Variants in ATM observed in about 807,000 individuals in gnomAD.
The protein encoded by ATM is serine-protein kinase ATM.
ATM carries 308 observed loss-of-function variants against 387.0 expected under a neutral mutation model. That is an observed-to-expected ratio of 0.80 (90% CI 0.73 to 0.87). The LOEUF (loss-of-function observed/expected upper bound fraction) is 0.87. Among genes scored for constraint, ATM ranks in the 40% least tolerant of loss-of-function variants. The pLI is 0.00. For missense variants in ATM, 3,312 were observed against 3,560.9 expected (o/e 0.93, Z 1.78); for synonymous variants, 1,156 against 1,187.3 (o/e 0.97, Z 0.54).
chr11:108,272,886 T>C, intron 22 of ATM, 34 bp downstream of exon 22: 2 of 1,613,394 alleles, frequency 1.2e-6, no homozygotes. Context: ...GTATTTGGAA[T>C]GCTGCAGATG....
At chr11:108,348,941 C>T (rs1275033450) in intron 59 of ATM, among the ~76,000 whole-genome samples, 3 of 152,088 alleles carry the variant, frequency 2.0e-5, no homozygotes, top group Admixed American at 6.5e-5. Context: ...TATTATCCCC[C>T]TGCAACTCAG....
At chr11:108,348,153 G>GTATT (rs1183289363) in intron 59 of ATM, among the ~76,000 whole-genome samples, 3 of 151,930 alleles carry the variant, frequency 2.0e-5, no homozygotes, top group Admixed American at 6.6e-5. Flanking sequence ...TTATTTTGAA[G>GTATT]TATTAATGGA....
chr11:108,263,851 AC>A lies in ATM; in HGVS notation c.2467-3318del, dbSNP rs750832628. Among the ~76,000 whole-genome samples, 817 of 150,572 alleles carry A rather than the reference AC, an allele frequency of 5.4e-3. 7 individuals carry two copies. The highest frequency in any genetic ancestry group is 0.014 in the Middle Eastern group (4 of 294). On this transcript the variant is annotated intron_variant, in intron 16 of 62. Transcript: ENST00000675843. The stretch of plus-strand genomic sequence containing the variant: ...ACTACCATCAGAGAATACTACAAAC[AC>A]CTCTACGCAAATAAACTAGAAAATC...
chr11:108,335,893 A>ATG lies in ATM; in HGVS notation c.8204_8205dup (p.Asn2736ValfsTer16), dbSNP rs1555128432. 1.2e-6 allele frequency: 2 copies of ATG among 1,614,088 alleles called. No individual in the cohort carries two copies. The highest frequency in any genetic ancestry group is 1.7e-6 in the Non-Finnish European group (2 of 1,179,978). ...TGCTGTCATGCAACAGGTCTTCCAG[A>ATG]TGTGTAATACATTACTGCAGAGAAA... is the stretch of plus-strand genomic sequence containing the variant. On this transcript the variant is annotated frameshift_variant, in exon 56 of 63. Transcript: ENST00000675843. LOFTEE classifies it high-confidence loss of function.
At position 108,272,833 on chromosome 11, in the gene ATM, G is replaced by A. The variant is rs730881358; in HGVS notation, c.3265G>A (p.Ala1089Thr). The A allele has an allele frequency of 6.2e-7, 1 of 1,613,882 alleles. No homozygotes were observed. The highest frequency in any genetic ancestry group is 2.2e-5 in the East Asian group (1 of 44,872). Residue 1089 changes from alanine to threonine, a missense_variant, in exon 22 of 63, where the codon GCT (alanine) becomes ACT (threonine). Around this residue, in one of 4 missense-constraint regions of ATM, gnomAD observed 1,791 missense variants for 1,804.5 expected, o/e 0.99. Coordinates refer to ENST00000675843, the MANE Select transcript of ATM (RefSeq NM_000051.4). ...CAATCATCACCAAGTTCGCATGTTG[G>A]CTGCAGAGTCAATCAATAGGTAATG... ...ADNHHQVRML[A>T]AESINRLFQD...
chr11:108,336,092 T>C, intron 56 of ATM, 131 bp downstream of exon 56: 1 of 694,560 alleles, frequency 1.4e-6, no homozygotes, highest in Non-Finnish European at 2.6e-6. Context: ...AGGCCAGGAG[T>C]TCGAGACCAG....
intron 58 of ATM, 61 bp from the exon 59 acceptor site, chr11:108,347,218 G>T (rs2137074299): frequency 1.6e-6 from 2 of 1,250,612 alleles, no homozygotes; most frequent in Admixed American, 3.4e-5. Context: ...TGAAATTATG[G>T]CTATATATTA....
In ATM at chr11:108,273,331, C is replaced by CTT. The variant is rs563140198; in HGVS notation, c.3284+505_3284+506dup. ...GGAATAAACATATATTAATTTCATTCTTTTTTTTTTTTTTTTTTTTTTTTT... is the reference window on the plus strand; with the variant it reads ...GGAATAAACATATATTAATTTCATTCTTTTTTTTTTTTTTTTTTTTTTTTTTT... On this transcript the variant is annotated intron_variant, in intron 22 of 62. Transcript: ENST00000675843. Among the ~76,000 whole-genome samples the CTT allele has an allele frequency of 3.7e-4, 30 of 80,660 alleles. 3 individuals carry two copies. The highest frequency in any genetic ancestry group is 4.6e-4 in the African/African-American group (8 of 17,518). 52.9% of individuals were successfully genotyped at this position (80,660 alleles called of 152,430 possible).
intron 60 of ATM, 114 bp downstream of exon 60, chr11:108,353,994 T>C (rs2089547760): frequency 2.8e-6 from 3 of 1,061,278 alleles, no homozygotes; most frequent in Non-Finnish European, 4.3e-6. Context: ...AGTGGGAGGA[T>C]TGTTTGAGCC....
intron 37 of ATM, among the ~76,000 whole-genome samples, 183 bp downstream of exon 37, chr11:108,305,035 G>A (rs1275001224): frequency 6.6e-6 from 1 of 152,174 alleles, no homozygotes. Flanking sequence ...ATGAAATAAT[G>A]TGTGTAAAGT....
intron 26 of ATM, chr11:108,287,370 G>A: frequency 2.9e-6 from 1 of 344,742 alleles, no homozygotes; most frequent in Non-Finnish European, 5.2e-6. Flanking sequence ...TTGGATTAAG[G>A]GGGCCTTGTT....
At chr11:108,324,100 G>T (rs2085430509) in intron 45 of ATM, among the ~76,000 whole-genome samples, 1 of 152,064 alleles carries the variant, frequency 6.6e-6, no homozygotes, top group Admixed American at 6.5e-5. Context: ...TATTTACATA[G>T]CATTTACATT....
intron 22 of ATM, among the ~76,000 whole-genome samples, chr11:108,276,206 C>T (rs1205277448): frequency 1.3e-5 from 2 of 152,160 alleles, no homozygotes; most frequent in East Asian, 1.9e-4. Flanking sequence ...TTTTCAGCTC[C>T]ATCAGGTCAT....
intron 38 of ATM, chr11:108,308,783 C>G: frequency 1.9e-6 from 1 of 517,038 alleles, no homozygotes; most frequent in South Asian, 2.5e-5. Context: ...TAGTCTTAAA[C>G]CATTCTTCTT....
At chr11:108,332,549 A>G (rs559103031) in intron 52 of ATM, among the ~76,000 whole-genome samples, 3 of 152,314 alleles carry the variant, frequency 2.0e-5, no homozygotes, top group South Asian at 4.1e-4. Context: ...GCAAAGTGAA[A>G]CAATAGATTT....
intron 41 of ATM, 38 bp downstream of exon 41, chr11:108,315,949 T>C (rs751851357): frequency 1.2e-6 from 2 of 1,607,064 alleles, no homozygotes; most frequent in South Asian, 2.2e-5. Context: ...ATAGTAATTC[T>C]GTTTATGAAG....
chr11:108,235,784 T>A lies in ATM; in HGVS notation c.446T>A (p.Ile149Asn), dbSNP rs587782353. The A allele has an allele frequency of 6.2e-7, 1 of 1,613,840 alleles. No homozygotes were observed. The highest frequency in any genetic ancestry group is 8.5e-7 in the Non-Finnish European group (1 of 1,179,836). ...TGTAGCAACATACTACTCAAAGACA[T>A]TCTTTCTGTGAGAAAATACTGGTGT... ...ADCSNILLKDILSVRKYWCEI... is the reference protein window; with the variant it reads ...ADCSNILLKDNLSVRKYWCEI... The change falls in exon 5 of 63, where the codon ATT (isoleucine) becomes AAT (asparagine). Residue 149 changes from isoleucine to asparagine, a missense_variant. Ile to Asn is a moderately radical substitution (Grantham distance 149). Coordinates refer to ENST00000675843, the MANE Select transcript of ATM (RefSeq NM_000051.4).
chr11:108,298,134 C>A (rs2083222921), intron 33 of ATM, among the ~76,000 whole-genome samples: 2 of 152,138 alleles, frequency 1.3e-5, no homozygotes, highest in African/African-American at 4.8e-5. Flanking sequence ...AAATAAGAAG[C>A]CAACATCATC....
At chr11:108,296,829 G>C (rs2083148469) in intron 32 of ATM, 1 of 183,984 alleles carries the variant, frequency 5.4e-6, no homozygotes. Flanking sequence ...CACATATCAA[G>C]TTCTCAGTAG....
Sources: allele counts gnomAD v4.1 joint callset (sites outside exome capture counted in the v4.1 genomes callset), GRCh38; gene constraint gnomAD v4.1.1; regional missense constraint gnomAD v4.1.1; transcripts MANE v1.5; gene names NCBI Gene and HGNC (gene_info 2026-07-23, HGNC 2026-07-21).